TBC1D8B: variants seen among roughly 807,000 people sequenced by gnomAD.
TBC1D8B encodes RP11-321G1.1.
A neutral mutation model predicts 82.9 loss-of-function variants in TBC1D8B; 75 were observed. The observed-to-expected ratio is 0.90, with a 90% confidence interval of 0.75 to 1.10. The LOEUF is 1.10. TBC1D8B is among the 50% of genes least tolerant of loss of function. The pLI, the probability that TBC1D8B is intolerant of heterozygous loss-of-function variation, is 0.00. For missense variants in TBC1D8B, 794 were observed against 796.9 expected (o/e 1.00, Z 0.04); for synonymous variants, 276 against 276.8 (o/e 1.00, Z 0.03).
chrX:106,859,538 T>G (rs1932755352), intron 14 of TBC1D8B, among the ~76,000 whole-genome samples: 1 of 112,093 alleles, frequency 8.9e-6, no homozygotes, highest in African/African-American at 3.2e-5. Context: ...GAAATGCTAC[T>G]GATTTTTGTA....
At position 106,818,671 on chromosome X, in the gene TBC1D8B, G is replaced by A. The variant is rs368221083; in HGVS notation, c.139G>A (p.Val47Ile). The A allele has an allele frequency of 1.8e-5, 21 of 1,198,692 alleles. No individual in the cohort carries two copies. The highest frequency in any genetic ancestry group is 2.1e-5 in the Non-Finnish European group (19 of 888,824). Residue 47 changes from valine (V) to isoleucine (I), a missense_variant, in exon 2 of 21, where the codon GTT (valine) becomes ATT (isoleucine). By Grantham distance (29) the Val-to-Ile change is conservative. Coordinates refer to ENST00000357242, the MANE Select transcript of TBC1D8B (RefSeq NM_017752.3). Reference sequence around the variant, plus strand: ...TCTTTCTATTACAACAGGGCTTCTGGTTGGGACTCTTGATTCAGTCTTGGA... The same window carrying A: ...TCTTTCTATTACAACAGGGCTTCTGATTGGGACTCTTGATTCAGTCTTGGA... ...EGGGGLTGLL[V>I]GTLDSVLDST...
intron 10 of TBC1D8B, among the ~76,000 whole-genome samples, chrX:106,842,625 AT>A (rs1932339088): frequency 9.4e-6 from 1 of 106,448 alleles, no homozygotes; most frequent in Non-Finnish European, 1.9e-5. Context: ...CTATCTATCT[AT>A]CTATCTATCT....
intron 1 of TBC1D8B, among the ~76,000 whole-genome samples, chrX:106,809,510 T>C (rs201529874): frequency 1.8e-5 from 2 of 110,766 alleles, no homozygotes; most frequent in East Asian, 5.7e-4. Flanking sequence ...TCTAGAAGTT[T>C]TTTCTGTGAA....
chrX:106,842,284 G>A lies in TBC1D8B; in HGVS notation c.1719+1400G>A, dbSNP rs778163883. Reference sequence around the variant, plus strand: ...ACAGACCCTGTGATATTGTCTATAAGCAGTAGTTTAGAGATAGCTTCAAAA... The same window carrying A: ...ACAGACCCTGTGATATTGTCTATAAACAGTAGTTTAGAGATAGCTTCAAAA... On this transcript the variant is annotated intron_variant, in intron 10 of 20. Transcript: ENST00000357242. Among the ~76,000 whole-genome samples the A allele has an allele frequency of 5.4e-5, 6 of 110,522 alleles. No homozygotes were observed. The South Asian group carries it at 1.6e-3, about 29-fold the overall frequency.
intron 7 of TBC1D8B, among the ~76,000 whole-genome samples, 191 bp from the exon 8 acceptor site, chrX:106,839,117 G>T (rs913051822): frequency 1.8e-5 from 2 of 111,797 alleles, no homozygotes; most frequent in African/African-American, 3.2e-5. Context: ...GTTCACAGGG[G>T]TTCTGAGCTT....
intron 1 of TBC1D8B, chrX:106,815,328 G>T (rs1449446440): frequency 9.0e-6 from 1 of 110,774 alleles, no homozygotes; most frequent in African/African-American, 3.3e-5. Context: ...GCTTGTTTTT[G>T]TCAGGTTTGT....
chrX:106,836,208 A>G (rs1244393725), intron 7 of TBC1D8B, among the ~76,000 whole-genome samples: 1 of 112,080 alleles, frequency 8.9e-6, no homozygotes, highest in Non-Finnish European at 1.9e-5. Context: ...GGGTGGAAGG[A>G]GAGAGAATGA....
At chrX:106,870,191 C>T (rs1053739897) in intron 19 of TBC1D8B, among the ~76,000 whole-genome samples, 3 of 110,914 alleles carry the variant, frequency 2.7e-5, no homozygotes, top group African/African-American at 9.8e-5. Flanking sequence ...CCACCACACC[C>T]GGCTAATTTT....
At chrX:106,862,766 G>GTTTTTTTTTTTTTTTTTTTTT (rs199693098) in intron 14 of TBC1D8B, among the ~76,000 whole-genome samples, 2 of 35,801 alleles carry the variant, frequency 5.6e-5, no homozygotes, top group Admixed American at 3.1e-4. Flanking sequence ...CTTTGGATGG[G>GTTTTTTTTTTTTTTTTTTTTT]TTTTTTTTTG....
intron 14 of TBC1D8B, 84 bp downstream of exon 14, chrX:106,854,380 A>G: frequency 5.1e-6 from 3 of 592,513 alleles, no homozygotes; most frequent in Non-Finnish European, 2.5e-6. Context: ...TTCTGGGCGA[A>G]TAAAATGAAA....
chrX:106,845,699 A>G (rs749121637), intron 10 of TBC1D8B, among the ~76,000 whole-genome samples: 1 of 111,459 alleles, frequency 9.0e-6, no homozygotes, highest in East Asian at 2.8e-4. Context: ...ATAAAGCCAT[A>G]TGCATGTAGT....
chrX:106,834,361 C>T (rs1932118355), intron 7 of TBC1D8B, among the ~76,000 whole-genome samples: 1 of 110,871 alleles, frequency 9.0e-6, no homozygotes, highest in Admixed American at 9.6e-5. Flanking sequence ...GAGAAACTGC[C>T]CATGATTCAA....
chrX:106,844,770 C>T (rs1932397631), intron 10 of TBC1D8B, among the ~76,000 whole-genome samples: 1 of 109,978 alleles, frequency 9.1e-6, no homozygotes, highest in African/African-American at 3.3e-5. Flanking sequence ...GCGTTTCCTC[C>T]TTTCCTATTT....
intron 8 of TBC1D8B, 96 bp downstream of exon 8, chrX:106,839,553 T>G: frequency 9.8e-6 from 9 of 919,402 alleles, no homozygotes; most frequent in Non-Finnish European, 1.2e-5. Context: ...CTGAAAACTC[T>G]TCTTTTGGGA....
intron 14 of TBC1D8B, among the ~76,000 whole-genome samples, chrX:106,856,681 C>T (rs1932704090): frequency 9.0e-6 from 1 of 111,107 alleles, no homozygotes; most frequent in Admixed American, 9.6e-5. Context: ...ACAACAGTAC[C>T]ACACTCTTTC....
At chrX:106,839,644 T>C (rs1303497954) in intron 8 of TBC1D8B, among the ~76,000 whole-genome samples, 187 bp downstream of exon 8, 5 of 111,821 alleles carry the variant, frequency 4.5e-5, no homozygotes, top group Admixed American at 9.5e-5. Context: ...GGAATGAAGA[T>C]AAAAGATAAA....
chrX:106,825,392 G>A (rs1387908524), intron 5 of TBC1D8B, among the ~76,000 whole-genome samples: 2 of 111,311 alleles, frequency 1.8e-5, no homozygotes, highest in Non-Finnish European at 3.8e-5. Flanking sequence ...ACTATTTAAA[G>A]CAATTGCTTT....
intron 7 of TBC1D8B, among the ~76,000 whole-genome samples, chrX:106,837,303 G>A (rs755879644): frequency 8.9e-6 from 1 of 111,871 alleles, no homozygotes; most frequent in South Asian, 3.7e-4. Flanking sequence ...TCTGGTAAGG[G>A]ACTGCTGTCT....
chrX:106,852,618 T>G (rs1205111472), intron 12 of TBC1D8B, among the ~76,000 whole-genome samples: 2 of 110,499 alleles, frequency 1.8e-5, no homozygotes, highest in African/African-American at 6.6e-5. Context: ...GGATCCAGTT[T>G]CAGCTTTCTA....
Sources: allele counts gnomAD v4.1 joint callset (sites outside exome capture counted in the v4.1 genomes callset), GRCh38; gene constraint gnomAD v4.1.1; transcripts MANE v1.5; gene names NCBI Gene and HGNC (gene_info 2026-07-23, HGNC 2026-07-21).